Variants in CSMD1 observed in about 807,000 individuals in gnomAD.
The protein encoded by CSMD1 is CUB and Sushi multiple domains 1, also known as CUB and sushi domain-containing protein 1.
In CSMD1, 213 loss-of-function variants were observed where a neutral mutation model predicts 417.5. The ratio of observed to expected loss-of-function variants is 0.51; its 90% CI spans 0.46 to 0.57. The LOEUF is 0.57. CSMD1 is among the 20% of genes least tolerant of loss of function. The pLI is 0.00. For synonymous variants in CSMD1, 2,862 were observed against 1,736.8 expected, an observed-to-expected ratio of 1.65 and a Z score of -16.11; for missense variants, 6,923 against 4,529.7, an observed-to-expected ratio of 1.53 and a Z score of -15.17.
chr8:3,083,610 TTATATATATATA>T lies in CSMD1; in HGVS notation c.7474+3475_7474+3486del, dbSNP rs1554507974. Among the ~76,000 whole-genome samples the T allele has an allele frequency of 6.5e-4, 20 of 30,924 alleles. 1 individual carries two copies. The highest frequency in any genetic ancestry group is 1.8e-3 in the African/African-American group (13 of 7,218). The allele number at this position is 30,924 out of a possible 152,430, so 20.3% of individuals were successfully genotyped here. ...TCCACGGTGACAGTTACCATAATTT[TTATATATATATA>T]TATATATATATATATATATATATAT... On this transcript the variant is annotated intron_variant, in intron 49 of 69. Transcript: ENST00000635120.
At chr8:4,776,869 T>G (rs1323791877) in intron 1 of CSMD1, among the ~76,000 whole-genome samples, 1 of 152,240 alleles carries the variant, frequency 6.6e-6, no homozygotes, top group African/African-American at 2.4e-5. Context: ...TTTTACTGTT[T>G]TCTGCTTATC....
chr8:4,136,607 G>A (rs569131849), intron 3 of CSMD1, among the ~76,000 whole-genome samples: 4 of 152,298 alleles, frequency 2.6e-5, no homozygotes, highest in African/African-American at 7.2e-5. Context: ...GCCAGCAAGA[G>A]AGGTTGAATA....
At chr8:3,365,858 C>T (rs916081426) in intron 20 of CSMD1, among the ~76,000 whole-genome samples, 5 of 152,198 alleles carry the variant, frequency 3.3e-5, no homozygotes, top group Non-Finnish European at 7.3e-5. Flanking sequence ...CACAGTGGAA[C>T]ATCATCTTAC....
chr8:3,984,738 TATATA>T (rs1814184467), intron 5 of CSMD1, among the ~76,000 whole-genome samples: 2 of 128,714 alleles, frequency 1.6e-5, no homozygotes, highest in African/African-American at 5.9e-5. Flanking sequence ...TATATATATA[TATATA>T]TATATATATT....
chr8:3,514,229 C>G (rs900912030), intron 10 of CSMD1, among the ~76,000 whole-genome samples: 4 of 152,152 alleles, frequency 2.6e-5, no homozygotes, highest in African/African-American at 4.8e-5. Flanking sequence ...ATAAGACCGG[C>G]TTTCTTAGAG....
At chr8:4,094,668 G>C (rs1476000370) in intron 3 of CSMD1, among the ~76,000 whole-genome samples, 1 of 152,172 alleles carries the variant, frequency 6.6e-6, no homozygotes, top group Admixed American at 6.5e-5. Flanking sequence ...CCGCACTTCA[G>C]ATGCATTTAC....
chr8:3,467,146 G>T (rs1445632231), intron 12 of CSMD1, among the ~76,000 whole-genome samples: 2 of 152,160 alleles, frequency 1.3e-5, no homozygotes, highest in African/African-American at 4.8e-5. Flanking sequence ...GTCATTCACT[G>T]TGAAATATGA....
intron 1 of CSMD1, among the ~76,000 whole-genome samples, chr8:4,794,710 G>T (rs1178948011): frequency 6.6e-6 from 1 of 152,196 alleles, no homozygotes; most frequent in African/African-American, 2.4e-5. Flanking sequence ...CCATGTGGCA[G>T]AGTATTTTCT....
At chr8:3,266,391 A>C (rs1801434263) in intron 26 of CSMD1, among the ~76,000 whole-genome samples, 1 of 151,774 alleles carries the variant, frequency 6.6e-6, no homozygotes, top group Non-Finnish European at 1.5e-5. Flanking sequence ...GGATCACCTG[A>C]GACTAGGAGA....
At chr8:4,401,293 C>G (rs991219957) in intron 3 of CSMD1, among the ~76,000 whole-genome samples, 2 of 152,056 alleles carry the variant, frequency 1.3e-5, no homozygotes, top group Admixed American at 6.5e-5. Context: ...AGTCAAAGTG[C>G]TTTTATAATA....
At chr8:3,855,979 G>C (rs1465585718) in intron 5 of CSMD1, among the ~76,000 whole-genome samples, 4 of 152,060 alleles carry the variant, frequency 2.6e-5, no homozygotes, top group Non-Finnish European at 4.4e-5. Context: ...CATGATATCT[G>C]TCAGTATTAA....
chr8:3,370,531 G>A (rs1281169543), intron 18 of CSMD1, among the ~76,000 whole-genome samples: 2 of 152,202 alleles, frequency 1.3e-5, no homozygotes, highest in Non-Finnish European at 2.9e-5. Context: ...TGGGCTAAGG[G>A]CTGCCCAGAT....
At chr8:4,760,737 T>G (rs986206534) in intron 1 of CSMD1, among the ~76,000 whole-genome samples, 1 of 152,142 alleles carries the variant, frequency 6.6e-6, no homozygotes, top group African/African-American at 2.4e-5. Flanking sequence ...ATGATTAAGT[T>G]TGGGGAAAGT....
intron 1 of CSMD1, among the ~76,000 whole-genome samples, chr8:4,831,688 G>C (rs1479791703): frequency 2.0e-5 from 3 of 152,078 alleles, no homozygotes; most frequent in Non-Finnish European, 4.4e-5. Flanking sequence ...TCAATGAAAT[G>C]GTCAATAAAT....
chr8:3,910,978 C>G (rs1357857548), intron 5 of CSMD1, among the ~76,000 whole-genome samples: 1 of 152,194 alleles, frequency 6.6e-6, no homozygotes, highest in African/African-American at 2.4e-5. Context: ...ATTTCTGTAG[C>G]TATTACAAGA....
At chr8:3,603,866 T>C (rs1801479344) in intron 8 of CSMD1, among the ~76,000 whole-genome samples, 3 of 152,208 alleles carry the variant, frequency 2.0e-5, no homozygotes, top group Admixed American at 6.5e-5. Flanking sequence ...TAGTTGTACA[T>C]AAATGATCTA....
intron 6 of CSMD1, among the ~76,000 whole-genome samples, chr8:3,710,638 T>G (rs1434943697): frequency 1.3e-5 from 2 of 152,158 alleles, no homozygotes; most frequent in Non-Finnish European, 2.9e-5. Flanking sequence ...CTGGAGACCA[T>G]GCCTCTTGGA....
At position 4,912,413 on chromosome 8, in the gene CSMD1, C is replaced by A. The variant is rs919755493; in HGVS notation, c.85+81919G>T. Among the ~76,000 whole-genome samples the A allele has an allele frequency of 3.3e-5, 5 of 150,718 alleles. No individual in the cohort carries two copies. The South Asian group carries it at 1.0e-3, about 32-fold the overall frequency. The stretch of plus-strand genomic sequence containing the variant: ...AAACTTGCTGTGGGGTTGTCTAGAT[C>A]AATGCCATTGCAGAAAGGCTGGACA... On this transcript the variant is annotated intron_variant, in intron 1 of 69. Coordinates refer to ENST00000635120, the MANE Select transcript of CSMD1 (RefSeq NM_033225.6).
intron 5 of CSMD1, among the ~76,000 whole-genome samples, chr8:3,979,064 C>T (rs1210676711): frequency 1.3e-5 from 2 of 152,224 alleles, no homozygotes; most frequent in Admixed American, 6.5e-5. Context: ...TCCTTTCCTT[C>T]AGATGTGCAC....
Sources: allele counts gnomAD v4.1 joint callset (sites outside exome capture counted in the v4.1 genomes callset), GRCh38; gene constraint gnomAD v4.1.1; transcripts MANE v1.5; gene names NCBI Gene and HGNC (gene_info 2026-07-23, HGNC 2026-07-21).